Variants in MAP4K3 observed in about 807,000 individuals in gnomAD.
The protein encoded by MAP4K3 is MAPK/ERK kinase kinase kinase 3.
A neutral mutation model predicts 143.5 loss-of-function variants in MAP4K3; 94 were observed. That is an observed-to-expected ratio of 0.65 (90% CI 0.55 to 0.78). The LOEUF is 0.78. MAP4K3 is among the 30% of genes least tolerant of loss of function. The pLI is 0.00. For missense variants in MAP4K3, 1,077 were observed against 1,068.1 expected, an observed-to-expected ratio of 1.01 and a Z score of -0.12; for synonymous variants, 416 against 347.2, an observed-to-expected ratio of 1.20 and a Z score of -2.20.
At chr2:39,270,493 G>A (rs1680969162) in intron 26 of MAP4K3, among the ~76,000 whole-genome samples, 1 of 152,166 alleles carries the variant, frequency 6.6e-6, no homozygotes. Flanking sequence ...TATTTCTTGA[G>A]AGCTTACTAG....
chr2:39,367,475 G>C (rs1410974710), intron 2 of MAP4K3, among the ~76,000 whole-genome samples: 1 of 152,094 alleles, frequency 6.6e-6, no homozygotes, highest in Non-Finnish European at 1.5e-5. Context: ...GGGTGGTTGA[G>C]GCTGCAGTGA....
intron 1 of MAP4K3, among the ~76,000 whole-genome samples, chr2:39,402,321 A>C (rs900675331): frequency 6.7e-6 from 1 of 149,642 alleles, no homozygotes; most frequent in African/African-American, 2.6e-5. Flanking sequence ...GAAACAGGTA[A>C]AGAGCAAAAT....
At chr2:39,395,507 A>G (rs1365272012) in intron 1 of MAP4K3, among the ~76,000 whole-genome samples, 1 of 152,216 alleles carries the variant, frequency 6.6e-6, no homozygotes, top group Non-Finnish European at 1.5e-5. Context: ...ACATAATTTG[A>G]CCTCATGAGG....
chr2:39,372,192 C>CAAATA (rs1306152538), intron 2 of MAP4K3, among the ~76,000 whole-genome samples: 1 of 150,540 alleles, frequency 6.6e-6, no homozygotes, highest in Non-Finnish European at 1.5e-5. Flanking sequence ...ACAATAGCTA[C>CAAATA]AAATAAAATA....
intron 1 of MAP4K3, among the ~76,000 whole-genome samples, chr2:39,433,647 A>G (rs1351008357): frequency 2.0e-5 from 3 of 152,162 alleles, no homozygotes; most frequent in African/African-American, 7.2e-5. Flanking sequence ...ACACAAATAC[A>G]TACAACATTA....
chr2:39,250,105 T>A lies in MAP4K3; in HGVS notation c.*513A>T, dbSNP rs1211311049. ...AAATGATTACAGCCTCCATTACAAT[T>A]TTAAAAGTTACAAGATTTATATTCA... is the stretch of plus-strand genomic sequence containing the variant. On this transcript the variant is annotated 3_prime_UTR_variant, in exon 34 of 34. Transcript: ENST00000263881. The A allele has an allele frequency of 1.3e-5, 2 of 152,628 alleles. No individual in the cohort carries two copies. The highest frequency in any genetic ancestry group is 4.8e-5 in the African/African-American group (2 of 41,458). 9.5% of individuals were successfully genotyped at this position (152,628 alleles called of 1,614,324 possible).
chr2:39,401,440 T>C (rs1013324830), intron 1 of MAP4K3, among the ~76,000 whole-genome samples: 1 of 152,166 alleles, frequency 6.6e-6, no homozygotes, highest in African/African-American at 2.4e-5. Context: ...GAATACTGTC[T>C]TAGTATTGGG....
intron 23 of MAP4K3, 95 bp from the exon 24 acceptor site, chr2:39,278,581 T>C (rs535583547): frequency 1.5e-6 from 1 of 673,130 alleles, no homozygotes; most frequent in Non-Finnish European, 2.5e-6. Flanking sequence ...AGTATTAACA[T>C]ATAAAACAAG....
At chr2:39,264,345 G>A (rs983181895) in intron 28 of MAP4K3, among the ~76,000 whole-genome samples, 2 of 152,078 alleles carry the variant, frequency 1.3e-5, no homozygotes, top group African/African-American at 4.8e-5. Flanking sequence ...TACTTCAATA[G>A]GTTTCAAATT....
intron 2 of MAP4K3, among the ~76,000 whole-genome samples, chr2:39,361,352 T>G (rs186705657): frequency 1.3e-5 from 2 of 152,250 alleles, no homozygotes; most frequent in African/African-American, 4.8e-5. Context: ...ATTATATGTT[T>G]ACTTATATGT....
At chr2:39,341,831 C>G (rs1435524886) in intron 4 of MAP4K3, among the ~76,000 whole-genome samples, 1 of 152,046 alleles carries the variant, frequency 6.6e-6, no homozygotes, top group Non-Finnish European at 1.5e-5. Context: ...TGCCAGATAT[C>G]TCTTCATTTT....
At chr2:39,423,216 G>C (rs1034430644) in intron 1 of MAP4K3, among the ~76,000 whole-genome samples, 1 of 152,090 alleles carries the variant, frequency 6.6e-6, no homozygotes, top group Non-Finnish European at 1.5e-5. Context: ...AAAACAATGC[G>C]GTAGCACTAC....
Position 39,435,401 on chromosome 2 carries a change from A to G in MAP4K3, c.96+1491T>C, listed in dbSNP as rs1356999112. On this transcript the variant is annotated intron_variant, in intron 1 of 33. Coordinates refer to ENST00000263881, the MANE Select transcript of MAP4K3 (RefSeq NM_003618.4). ...CCCTCCCGCTCTGGCTGCTCAGGCT[A>G]TACAGGCCTTCTTTCACATCGGGCC... 2.6e-5 allele frequency among the ~76,000 whole-genome samples: 4 copies of G among 152,286 alleles called. No individual in the cohort carries two copies. The East Asian group carries it at 7.7e-4, about 29-fold the overall frequency.
intron 1 of MAP4K3, among the ~76,000 whole-genome samples, chr2:39,408,835 C>A (rs1667163219): frequency 6.6e-6 from 1 of 152,162 alleles, no homozygotes. Flanking sequence ...AGCAAAGTAA[C>A]ATCAGGCAAT....
chr2:39,266,576 C>A (rs1397841585), intron 27 of MAP4K3, among the ~76,000 whole-genome samples: 1 of 152,094 alleles, frequency 6.6e-6, no homozygotes, highest in Non-Finnish European at 1.5e-5. Context: ...TCTGAATCTG[C>A]CTTATTTTGA....
chr2:39,404,255 G>GAAAA (rs1365025952), intron 1 of MAP4K3, among the ~76,000 whole-genome samples: 1 of 151,178 alleles, frequency 6.6e-6, no homozygotes, highest in African/African-American at 2.4e-5. Flanking sequence ...CCACAGTGGG[G>GAAAA]TAGAGCACCA....
intron 13 of MAP4K3, among the ~76,000 whole-genome samples, chr2:39,312,577 C>G (rs1682978313): frequency 6.6e-6 from 1 of 152,052 alleles, no homozygotes; most frequent in African/African-American, 2.4e-5. Flanking sequence ...AGGAAAAAAA[C>G]AGTTGAGAAA....
intron 1 of MAP4K3, among the ~76,000 whole-genome samples, chr2:39,383,616 G>GAATTATTAATAATTCTTAAT (rs1666410411): frequency 6.6e-6 from 1 of 151,866 alleles, no homozygotes; most frequent in African/African-American, 2.4e-5. Context: ...TGTACCGGTA[G>GAATTATTAATAATTCTTAAT]AATTATTAAT....
At chr2:39,327,011 T>C (rs1480612947) in intron 8 of MAP4K3, among the ~76,000 whole-genome samples, 5 of 152,218 alleles carry the variant, frequency 3.3e-5, no homozygotes, top group African/African-American at 9.6e-5. Flanking sequence ...GCTGATTCCA[T>C]TGTTACTTCC....
Sources: allele counts gnomAD v4.1 joint callset (sites outside exome capture counted in the v4.1 genomes callset), GRCh38; gene constraint gnomAD v4.1.1; transcripts MANE v1.5; gene names NCBI Gene and HGNC (gene_info 2026-07-23, HGNC 2026-07-21).